The following FAM135B variants were observed in gnomAD, a reference collection of about 807,000 sequenced individuals.
The protein encoded by FAM135B is family with sequence similarity 135 member B.
A neutral mutation model predicts 127.7 loss-of-function variants in FAM135B; 43 were observed. The ratio of observed to expected loss-of-function variants is 0.34; its 90% confidence interval spans 0.26 to 0.43. The LOEUF (loss-of-function observed/expected upper bound fraction) is 0.43. Ranked by LOEUF, FAM135B falls within the 20% of genes least tolerant of loss-of-function variation. FAM135B has a pLI of 1.00. For missense variants in FAM135B, 1,558 were observed against 1,725.6 expected (o/e 0.90, Z 1.72); for synonymous variants, 670 against 665.1 (o/e 1.01, Z -0.11).
intron 2 of FAM135B, among the ~76,000 whole-genome samples, chr8:138,312,256 T>C (rs1244353323): frequency 1.3e-5 from 2 of 152,136 alleles, no homozygotes; most frequent in East Asian, 3.9e-4. Context: ...AAATGAGTAT[T>C]TTTCAAAAGT....
At chr8:138,183,579 T>C (rs1815277587) in intron 9 of FAM135B, among the ~76,000 whole-genome samples, 1 of 152,230 alleles carries the variant, frequency 6.6e-6, no homozygotes, top group Non-Finnish European at 1.5e-5. Flanking sequence ...TCACAGGATA[T>C]ACCTGGAGAC....
intron 1 of FAM135B, among the ~76,000 whole-genome samples, chr8:138,442,330 T>A (rs1227596130): frequency 7.2e-6 from 1 of 138,574 alleles, no homozygotes; most frequent in African/African-American, 2.7e-5. Context: ...ATATGTTTGG[T>A]TGTGTGTCTA....
Position 138,242,379 on chromosome 8 carries a change from G to A in FAM135B, c.669+563C>T, listed in dbSNP as rs1342590881. Among the ~76,000 whole-genome samples the A allele has an allele frequency of 2.0e-5, 3 of 152,104 alleles. No individual in the cohort carries two copies. Among genetic ancestry groups the A allele is most frequent in the Non-Finnish European group, 4.4e-5 (3 of 68,036 alleles). ...TTAAAGCCCTGCACATCACAGAAGA[G>A]CAGGGGATGTTTCCTAGGATAAAAG... On this transcript the variant is annotated intron_variant, in intron 7 of 19. Transcript: ENST00000395297. The surrounding 1 kb of genome is among the most constrained non-coding windows in gnomAD (Gnocchi z 9.6).
intron 3 of FAM135B, among the ~76,000 whole-genome samples, chr8:138,290,457 T>C (rs1469808092): frequency 6.6e-6 from 1 of 152,134 alleles, no homozygotes; most frequent in Admixed American, 6.6e-5. Context: ...AACTTTTGCC[T>C]TTTTTCTTCC....
In FAM135B at chr8:138,220,262, C is replaced by T. The variant is rs147761091; in HGVS notation, c.670-22593G>A. ...TTGGGTCACCTTTCTAGCCAGGAGT[C>T]GAGGATAGGCTTGCTGTTTCTTTCT... On this transcript the variant is annotated intron_variant, in intron 7 of 19. Transcript: ENST00000395297. Among the ~76,000 whole-genome samples, 436 of 152,204 alleles carry T rather than the reference C, an allele frequency of 2.9e-3. 6 individuals carry two copies. The highest frequency in any genetic ancestry group is 0.014 in the Middle Eastern group (4 of 294).
At chr8:138,139,176 A>G in intron 17 of FAM135B, 80 bp from the exon 18 acceptor site, 1 of 809,074 alleles carries the variant, frequency 1.2e-6, no homozygotes, top group Non-Finnish European at 2.0e-6. Context: ...TGGTGAGATG[A>G]ACGTTAAACT....
At chr8:138,494,848 A>T (rs1815331339) in intron 1 of FAM135B, among the ~76,000 whole-genome samples, 1 of 138,034 alleles carries the variant, frequency 7.2e-6, no homozygotes, top group Admixed American at 6.7e-5. Flanking sequence ...AAAAAAAAAA[A>T]AAAACTTAAT....
chr8:138,338,039 G>A (rs568912312), intron 2 of FAM135B, among the ~76,000 whole-genome samples: 68 of 152,310 alleles, frequency 4.5e-4, no homozygotes, highest in African/African-American at 1.5e-3. Context: ...ATGGTGCTGG[G>A]AAAACTGGCT....
At chr8:138,182,942 C>T (rs554939430) in intron 9 of FAM135B, among the ~76,000 whole-genome samples, 2 of 152,298 alleles carry the variant, frequency 1.3e-5, no homozygotes, top group South Asian at 2.1e-4. Flanking sequence ...GGGTTGCAAA[C>T]CCCTGCTTGG....
chr8:138,415,966 C>T (rs960695349), intron 1 of FAM135B, among the ~76,000 whole-genome samples: 1 of 152,184 alleles, frequency 6.6e-6, no homozygotes, highest in Non-Finnish European at 1.5e-5. Context: ...CCTCAATGCC[C>T]TTTGCTAGCC....
intron 3 of FAM135B, among the ~76,000 whole-genome samples, chr8:138,297,378 G>A (rs1035255708): frequency 2.6e-5 from 4 of 152,160 alleles, no homozygotes; most frequent in African/African-American, 7.2e-5. Flanking sequence ...GGCACTGGGC[G>A]CTTGCCCAAA....
At chr8:138,354,827 A>G (rs1277096551) in intron 2 of FAM135B, among the ~76,000 whole-genome samples, 16 of 152,118 alleles carry the variant, frequency 1.1e-4, no homozygotes, top group Admixed American at 1.0e-3. Flanking sequence ...TTTGAGGAGG[A>G]AAACATCGGC....
At position 138,447,041 on chromosome 8, in the gene FAM135B, A is replaced by G. The variant is rs1020204915; in HGVS notation, c.-20+49630T>C. Among the ~76,000 whole-genome samples, 6 of 152,222 alleles carry G rather than the reference A, an allele frequency of 3.9e-5. No homozygotes were observed. In the East Asian group the frequency reaches 7.7e-4, roughly 20 times the overall value. Reference sequence around the variant, plus strand: ...AAAGAAGACATTTATGCAGCCAAAAAACACATGAAAAAATGCTCATCATCA... The same window carrying G: ...AAAGAAGACATTTATGCAGCCAAAAGACACATGAAAAAATGCTCATCATCA... On this transcript the variant is annotated intron_variant, in intron 1 of 19. Coordinates refer to ENST00000395297, the MANE Select transcript of FAM135B (RefSeq NM_015912.4).
In FAM135B at chr8:138,179,094, T is replaced by G. The variant is rs115403531; in HGVS notation, c.874-404A>C. On this transcript the variant is annotated intron_variant, in intron 9 of 19. Coordinates refer to ENST00000395297, the MANE Select transcript of FAM135B (RefSeq NM_015912.4). ...GTTTTCCCTCGCTCTTCGTTTATCC[T>G]GGATATCCCCTTTCAACTTTTCTAT... Among the ~76,000 whole-genome samples the G allele has an allele frequency of 5.4e-3, 822 of 152,330 alleles. 5 individuals carry two copies. The highest frequency in any genetic ancestry group is 0.019 in the African/African-American group (771 of 41,576).
rs1163863684 is a variant in FAM135B at position 138,168,016 on chromosome 8, G to C, written c.1137C>G (p.Ile379Met). The C allele has an allele frequency of 6.2e-7, 1 of 1,613,798 alleles. No homozygotes were observed. Among genetic ancestry groups the C allele is most frequent in the Non-Finnish European group, 8.5e-7 (1 of 1,179,806 alleles). ...IQTHSQLSLD[I>M]RNSEYLTSMP... ...TGCTAGTGAGGTACTCCGAGTTCCG[G>C]ATATCCAGGGACAGCTGGCTGTGCG... Residue 379 changes from isoleucine to methionine, a missense_variant, in exon 12 of 20, where the codon ATC becomes ATG. By Grantham distance (10) the Ile-to-Met change is conservative. Coordinates refer to ENST00000395297, the MANE Select transcript of FAM135B (RefSeq NM_015912.4).
At chr8:138,240,071 ACAC>A (rs1192611393) in intron 7 of FAM135B, among the ~76,000 whole-genome samples, 1 of 152,178 alleles carries the variant, frequency 6.6e-6, no homozygotes, top group Admixed American at 6.5e-5. Context: ...TGGGTGTAGC[ACAC>A]CAACATGGCA....
rs778107331 is a variant in FAM135B, at chr8:138,151,387, C to G, written c.3088G>C (p.Val1030Leu). 6.2e-6 allele frequency: 10 copies of G among 1,613,584 alleles called. No individual in the cohort carries two copies. In the South Asian group the frequency reaches 1.1e-4, roughly 18 times the overall value. The change falls in exon 13 of 20, where the codon GTT (valine) becomes CTT (leucine). Residue 1030 changes from valine to leucine, a missense_variant. By Grantham distance (32) the Val-to-Leu change is conservative. Coordinates refer to ENST00000395297, the MANE Select transcript of FAM135B (RefSeq NM_015912.4). The stretch of plus-strand genomic sequence containing the variant: ...GTGCAAGACACAGATAAGTTCACAA[C>G]CTCCACAGCCTTCAGGCTGTCCAGA... ...FTLDSLKAVEVVNLSVSCTAT... is the reference protein window; with the variant it reads ...FTLDSLKAVELVNLSVSCTAT...
chr8:138,393,611 T>A (rs902302327), intron 1 of FAM135B, among the ~76,000 whole-genome samples: 4 of 152,126 alleles, frequency 2.6e-5, no homozygotes, highest in Admixed American at 6.5e-5. Context: ...GAAACAGTTA[T>A]AGAGATGTCA....
rs534064364 is a variant in FAM135B, at chr8:138,132,461, G to C, written c.*132C>G. On this transcript the variant is annotated 3_prime_UTR_variant, in exon 20 of 20. Transcript: ENST00000395297. This position sits in a 1 kb window ranked among gnomAD's most constrained non-coding sequence, Gnocchi z 4.5. ...AAAACAAAAGCACCTCTCATGTCAG[G>C]TTCCACCCGAGCCTCCGTCCCCCAA... The C allele has an allele frequency of 3.5e-4, 257 of 729,898 alleles. 4 individuals are homozygous for C. In the South Asian group the frequency reaches 4.2e-3, roughly 12 times the overall value. The allele number at this position is 729,898 out of a possible 1,614,324, so 45.2% of individuals were successfully genotyped here. A position where few individuals can be genotyped will look rare whatever the true frequency, so the allele number is the denominator to read the frequency against.
Sources: allele counts gnomAD v4.1 joint callset (sites outside exome capture counted in the v4.1 genomes callset), GRCh38; gene constraint gnomAD v4.1.1; non-coding constraint Gnocchi (gnomAD v3.1); transcripts MANE v1.5; gene names NCBI Gene and HGNC (gene_info 2026-07-23, HGNC 2026-07-21).